PTBP3: variants seen among roughly 807,000 people sequenced by gnomAD.
PTBP3 encodes polypyrimidine tract binding protein 3.
A neutral mutation model predicts 58.7 loss-of-function variants in PTBP3; 20 were observed. The ratio of observed to expected loss-of-function variants is 0.34; its 90% CI spans 0.24 to 0.50. The LOEUF (loss-of-function observed/expected upper bound fraction) is 0.50, where lower values mean the gene tolerates loss of function less well. Among genes scored for constraint, PTBP3 ranks in the 20% least tolerant of loss-of-function variants. The pLI is 0.98. For missense variants in PTBP3, 509 were observed against 637.2 expected, an observed-to-expected ratio of 0.80 and a Z score of 2.17; for synonymous variants, 185 against 219.8, an observed-to-expected ratio of 0.84 and a Z score of 1.40.
chr9:112,308,374 A>C (rs1032675628), intron 1 of PTBP3, among the ~76,000 whole-genome samples: 3 of 152,064 alleles, frequency 2.0e-5, no homozygotes, highest in Admixed American at 6.5e-5. Flanking sequence ...AAAAAAAAAA[A>C]AAAAAAACTT....
the PTBP3 span, among the ~76,000 whole-genome samples, chr9:112,364,295 C>A: frequency 1.4e-5 from 2 of 146,718 alleles, no homozygotes; most frequent in African/African-American, 5.1e-5. Flanking sequence ...AAAAAAAAAG[C>A]CCTAGTTATT....
At chr9:112,342,636 A>G in the PTBP3 span, among the ~76,000 whole-genome samples, 2 of 152,072 alleles carry the variant, frequency 1.3e-5, no homozygotes, top group South Asian at 2.1e-4. Context: ...GAATCACTTG[A>G]ACCCAGGAGG....
intron 7 of PTBP3, among the ~76,000 whole-genome samples, chr9:112,247,527 G>C (rs1215568491): frequency 6.9e-6 from 1 of 145,210 alleles, no homozygotes. Context: ...GAAACAACAA[G>C]ACTCCATCTC....
At chr9:112,332,854 T>C (rs772323018) in intron 1 of PTBP3, 1 of 1,611,388 alleles carries the variant, frequency 6.2e-7, no homozygotes, top group African/African-American at 1.3e-5. Context: ...GGTCACTAAG[T>C]CCAGACCCCT....
At chr9:112,248,727 A>C (rs1835983840) in intron 7 of PTBP3, among the ~76,000 whole-genome samples, 1 of 152,214 alleles carries the variant, frequency 6.6e-6, no homozygotes, top group South Asian at 2.1e-4. Context: ...AACTGGCATT[A>C]TGTAATGAAA....
At chr9:112,238,779 A>C (rs1397704100) in intron 7 of PTBP3, among the ~76,000 whole-genome samples, 1 of 152,196 alleles carries the variant, frequency 6.6e-6, no homozygotes, top group African/African-American at 2.4e-5. Flanking sequence ...GAAAGAAAAA[A>C]TACCTGTCAA....
intron 3 of PTBP3, among the ~76,000 whole-genome samples, chr9:112,274,961 A>G (rs2132197038): frequency 6.6e-6 from 1 of 152,314 alleles, no homozygotes; most frequent in Non-Finnish European, 1.5e-5. Flanking sequence ...CACTTTTTGA[A>G]CAATTGTCAC....
intron 5 of PTBP3, among the ~76,000 whole-genome samples, chr9:112,259,268 T>C (rs777444272): frequency 3.3e-5 from 5 of 152,146 alleles, no homozygotes; most frequent in Admixed American, 2.0e-4. Flanking sequence ...ATTCTTAATA[T>C]AGCAACAAGA....
chr9:112,231,664 G>A lies in PTBP3; in HGVS notation c.1021-251C>T, dbSNP rs537096917. Among the ~76,000 whole-genome samples the A allele has an allele frequency of 2.5e-3, 375 of 152,076 alleles. 1 individual carries two copies. Among genetic ancestry groups the A allele is most frequent in the African/African-American group, 8.6e-3 (357 of 41,470 alleles). On this transcript the variant is annotated intron_variant, in intron 9 of 13. Transcript: ENST00000374257. ...CACACCTGTAATCCCAGCACTTTGG[G>A]AGGCTGAGGTGTGTGTCGCTTGAGC...
chr9:112,240,253 T>C (rs1159392092), intron 7 of PTBP3, among the ~76,000 whole-genome samples: 1 of 152,182 alleles, frequency 6.6e-6, no homozygotes, highest in African/African-American at 2.4e-5. Context: ...CTAACTTATA[T>C]AGAATACAAT....
chr9:112,333,977 G>A (rs1027652900), upstream of PTBP3, among the ~76,000 whole-genome samples: 2 of 151,072 alleles, frequency 1.3e-5, no homozygotes, highest in Non-Finnish European at 3.0e-5. Flanking sequence ...CGGCTTCGCA[G>A]ACCGGGCCTG....
intron 2 of PTBP3, among the ~76,000 whole-genome samples, chr9:112,290,939 T>C (rs1254532083): frequency 6.6e-6 from 1 of 151,838 alleles, no homozygotes; most frequent in Non-Finnish European, 1.5e-5. Flanking sequence ...TCCATAAATG[T>C]GGCCGGGCAC....
chr9:112,260,806 GT>G (rs1185637549), intron 5 of PTBP3, among the ~76,000 whole-genome samples: 1 of 152,214 alleles, frequency 6.6e-6, no homozygotes, highest in Non-Finnish European at 1.5e-5. Flanking sequence ...AAAAAAGTGA[GT>G]GCTATAACTG....
chr9:112,309,069 GT>G (rs1285144955), intron 1 of PTBP3, among the ~76,000 whole-genome samples: 1 of 152,104 alleles, frequency 6.6e-6, no homozygotes, highest in Non-Finnish European at 1.5e-5. Flanking sequence ...TTAATTCATG[GT>G]TAAACTTCAT....
At chr9:112,319,892 G>A (rs1354430529) in intron 1 of PTBP3, among the ~76,000 whole-genome samples, 1 of 152,146 alleles carries the variant, frequency 6.6e-6, no homozygotes, top group Non-Finnish European at 1.5e-5. Context: ...TAAACCCGGA[G>A]GACACTGCGT....
At chr9:112,372,990 G>T in the PTBP3 span, among the ~76,000 whole-genome samples, 3 of 151,442 alleles carry the variant, frequency 2.0e-5, no homozygotes, top group African/African-American at 7.3e-5. Context: ...CCTCTCCCAG[G>T]TTCAAGCAAT....
At chr9:112,294,622 A>C (rs1453799166) in intron 2 of PTBP3, among the ~76,000 whole-genome samples, 5 of 152,198 alleles carry the variant, frequency 3.3e-5, no homozygotes, top group Admixed American at 6.5e-5. Context: ...GATAATCACA[A>C]ATTACCACTG....
At position 112,262,553 on chromosome 9, in the gene PTBP3, C is replaced by A; in HGVS notation, c.398G>T (p.Ser133Ile). The A allele has an allele frequency of 6.2e-7, 1 of 1,611,912 alleles. No individual in the cohort carries two copies. The highest frequency in any genetic ancestry group is 8.5e-7 in the Non-Finnish European group (1 of 1,179,228). ...GGAAGGACCTCCAGAAAGGGCCAGGCTTCCTGATTGGACGGCACTGACAGC... is the reference window on the plus strand; with the variant it reads ...GGAAGGACCTCCAGAAAGGGCCAGGATTCCTGATTGGACGGCACTGACAGC... ...LQAVSAVQSGSLALSGGPSNE... is the reference protein window; with the variant it reads ...LQAVSAVQSGILALSGGPSNE... The change falls in exon 5 of 14, where the codon AGC (serine) becomes ATC (isoleucine). Residue 133 changes from serine to isoleucine, a missense_variant. This residue lies in a region of PTBP3 where 212 missense variants were observed against 215.3 expected (regional missense o/e 0.98). Coordinates refer to ENST00000374257, the MANE Select transcript of PTBP3 (RefSeq NM_001163788.4).
intron 7 of PTBP3, among the ~76,000 whole-genome samples, chr9:112,243,660 A>G (rs1479430203): frequency 4.6e-5 from 7 of 152,256 alleles, no homozygotes; most frequent in African/African-American, 7.2e-5. Flanking sequence ...ACTGGAATTC[A>G]TAAGAGTTTA....
Sources: gnomAD v4.1 joint callset for allele counts (sites outside exome capture counted in the v4.1 genomes callset) on GRCh38, gnomAD v4.1.1 for gene constraint, gnomAD v4.1.1 regional missense constraint, MANE v1.5 for transcripts, NCBI Gene and HGNC (gene_info 2026-07-23, HGNC 2026-07-21) for gene names.